Variants in GALNTL5 observed in about 807,000 individuals in gnomAD.
The protein encoded by GALNTL5 is polypeptide N-acetylgalactosaminyltransferase like 5, also known as inactive polypeptide N-acetylgalactosaminyltransferase-like protein 5.
A neutral mutation model predicts 51.0 loss-of-function variants in GALNTL5; 44 were observed. The observed-to-expected ratio is 0.86, with a 90% CI of 0.68 to 1.11. The LOEUF (loss-of-function observed/expected upper bound fraction) is 1.11, where lower values mean the gene tolerates loss of function less well. Ranked by LOEUF, GALNTL5 falls within the 50% of genes least tolerant of loss-of-function variation. The probability of loss-of-function intolerance (pLI) is 0.00; values close to 1 mark genes in which losing one functional copy is unlikely to be tolerated. For missense variants in GALNTL5, 528 were observed against 531.8 expected (o/e 0.99, Z 0.07); for synonymous variants, 192 against 182.8 (o/e 1.05, Z -0.41).
chr7:151,967,076 C>A lies in GALNTL5; in HGVS notation c.-39-132C>A. ...ATTTGTGCTAATAGAAATAAGGACACACTTTATGTATATGATAAGGGCCAT... is the reference window on the plus strand; with the variant it reads ...ATTTGTGCTAATAGAAATAAGGACAAACTTTATGTATATGATAAGGGCCAT... On this transcript the variant is annotated intron_variant, in intron 1 of 8. Transcript: ENST00000392800. 8.6e-6 allele frequency: 5 copies of A among 579,146 alleles called. No homozygotes were observed. The South Asian group carries it at 1.1e-4, about 13-fold the overall frequency. The allele number at this position is 579,146 out of a possible 1,614,324, so 35.9% of individuals were successfully genotyped here. A position where few individuals can be genotyped will look rare whatever the true frequency, so the allele number is the denominator to read the frequency against.
In GALNTL5 at chr7:152,002,832, T is replaced by C; in HGVS notation, c.777T>C (p.Ile259=). The part of the protein sequence containing the change: ...KMVVCPLIDV[I]DDRTLEYKPS... ...TGGTGTGCCCCCTGATAGATGTCAT[T>C]GATGATAGAACTCTGGAGTATAAGC... is the stretch of plus-strand genomic sequence containing the variant. Residue 259 remains isoleucine, a synonymous_variant, in exon 6 of 9, where the codon ATT becomes ATC. Coordinates refer to ENST00000392800, the MANE Select transcript of GALNTL5 (RefSeq NM_145292.4). 1 of 1,614,160 alleles carries C rather than the reference T, an allele frequency of 6.2e-7. No individual in the cohort carries two copies. The highest frequency in any genetic ancestry group is 8.5e-7 in the Non-Finnish European group (1 of 1,180,032).
intron 6 of GALNTL5, among the ~76,000 whole-genome samples, chr7:152,007,055 C>G (rs111264777): frequency 6.6e-6 from 1 of 152,152 alleles, no homozygotes; most frequent in African/African-American, 2.4e-5. Context: ...GTGTGAGCCA[C>G]CACACCCAGC....
At chr7:151,990,438 G>A (rs928959811) in intron 5 of GALNTL5, among the ~76,000 whole-genome samples, 7 of 150,910 alleles carry the variant, frequency 4.6e-5, no homozygotes, top group Non-Finnish European at 7.4e-5. Context: ...AATATTAGCC[G>A]GGCGTGGTGG....
intron 5 of GALNTL5, among the ~76,000 whole-genome samples, chr7:151,992,956 G>T (rs1243097018): frequency 6.6e-6 from 1 of 152,098 alleles, no homozygotes; most frequent in Non-Finnish European, 1.5e-5. Flanking sequence ...GTAAGATGCG[G>T]ACTGGACACG....
In GALNTL5 at chr7:152,000,114, G is replaced by A. The variant is rs997703777; in HGVS notation, c.659-2600G>A. Among the ~76,000 whole-genome samples, 56 of 152,148 alleles carry A rather than the reference G, an allele frequency of 3.7e-4. 2 individuals carry two copies. Among genetic ancestry groups the A allele is most frequent in the Admixed American group, 3.3e-3 (50 of 15,276 alleles). On this transcript the variant is annotated intron_variant, in intron 5 of 8. Transcript: ENST00000392800. The stretch of plus-strand genomic sequence containing the variant: ...AGTGAACTAATGTTAGTTTTCTGCC[G>A]AAAATCAAAAGGATAAAAAGACTGT...
intron 5 of GALNTL5, among the ~76,000 whole-genome samples, chr7:151,999,934 G>T (rs1323617305): frequency 6.6e-6 from 1 of 152,192 alleles, no homozygotes; most frequent in Admixed American, 6.5e-5. Flanking sequence ...GAACCAATGA[G>T]ATGGCTCAGC....
intron 1 of GALNTL5, among the ~76,000 whole-genome samples, chr7:151,957,548 C>CA (rs3037148): frequency 0.13 from 14,949 of 110,946 alleles, 942 homozygotes; most frequent in Non-Finnish European, 0.17. Flanking sequence ...GACCCTGTCT[C>CA]AAAAAAAAAA....
At chr7:151,958,918 C>T (rs2080959430) in intron 1 of GALNTL5, among the ~76,000 whole-genome samples, 1 of 152,102 alleles carries the variant, frequency 6.6e-6, no homozygotes, top group Non-Finnish European at 1.5e-5. Context: ...ATGGATAGTC[C>T]CAACATGGGG....
chr7:151,981,357 C>A (rs2081283533), intron 3 of GALNTL5, among the ~76,000 whole-genome samples: 1 of 152,126 alleles, frequency 6.6e-6, no homozygotes, highest in Non-Finnish European at 1.5e-5. Flanking sequence ...TTCATTGCAT[C>A]TTCACAGCCC....
intron 4 of GALNTL5, among the ~76,000 whole-genome samples, chr7:151,985,249 G>A (rs953113340): frequency 2.0e-5 from 3 of 152,118 alleles, no homozygotes; most frequent in Middle Eastern, 3.2e-3. Flanking sequence ...ATCTGTCAAC[G>A]TTCTCATACA....
chr7:152,003,011 ACCCAGGGGG>A, intron 6 of GALNTL5, 48 bp downstream of exon 6: 1 of 1,538,968 alleles, frequency 6.5e-7, no homozygotes, highest in Admixed American at 1.8e-5. Flanking sequence ...GTGTATTGAG[ACCCAGGGGG>A]AAAAAGCCTC....
At chr7:152,007,653 C>T (rs958727214) in intron 6 of GALNTL5, among the ~76,000 whole-genome samples, 174 bp from the exon 7 acceptor site, 3 of 151,894 alleles carry the variant, frequency 2.0e-5, no homozygotes, top group South Asian at 2.1e-4. Flanking sequence ...CTCCTGAACT[C>T]GTAATGCACC....
chr7:151,978,192 A>C (rs532172956), intron 3 of GALNTL5, among the ~76,000 whole-genome samples: 23 of 152,336 alleles, frequency 1.5e-4, no homozygotes, highest in African/African-American at 5.0e-4. Flanking sequence ...CATATCTCTT[A>C]GATTTAACAT....
intron 3 of GALNTL5, among the ~76,000 whole-genome samples, chr7:151,975,353 C>T (rs1227180798): frequency 1.3e-5 from 2 of 152,062 alleles, no homozygotes; most frequent in Non-Finnish European, 2.9e-5. Context: ...AATTTGTTGG[C>T]ATATAATTGT....
intron 1 of GALNTL5, among the ~76,000 whole-genome samples, chr7:151,957,141 A>AG (rs2080935727): frequency 8.5e-6 from 1 of 116,960 alleles, no homozygotes. Flanking sequence ...CTCTGTCTCG[A>AG]GAAAAAAAAA....
At chr7:151,973,829 C>T (rs1468848673) in intron 3 of GALNTL5, among the ~76,000 whole-genome samples, 1 of 151,984 alleles carries the variant, frequency 6.6e-6, no homozygotes, top group Admixed American at 6.6e-5. Flanking sequence ...ACCCAAATCT[C>T]ATGTTGAATT....
chr7:152,017,816 T>C (rs2081838056), intron 8 of GALNTL5, among the ~76,000 whole-genome samples: 1 of 152,156 alleles, frequency 6.6e-6, no homozygotes, highest in African/African-American at 2.4e-5. Flanking sequence ...TTTTTGCTAT[T>C]TTCTTGACAA....
intron 8 of GALNTL5, among the ~76,000 whole-genome samples, 196 bp downstream of exon 8, chr7:152,014,989 CA>C (rs769790353): frequency 3.3e-4 from 50 of 152,226 alleles, no homozygotes; most frequent in Middle Eastern, 6.8e-3. Flanking sequence ...TACATGGACA[CA>C]AAGCAGGGAA....
chr7:152,015,344 G>A (rs567562861), intron 8 of GALNTL5, among the ~76,000 whole-genome samples: 35 of 149,090 alleles, frequency 2.3e-4, no homozygotes, highest in African/African-American at 5.5e-4. Flanking sequence ...TCCTTGCCCC[G>A]TCCCCATGTG....
Sources: allele counts gnomAD v4.1 joint callset (sites outside exome capture counted in the v4.1 genomes callset), GRCh38; gene constraint gnomAD v4.1.1; transcripts MANE v1.5; gene names NCBI Gene and HGNC (gene_info 2026-07-23, HGNC 2026-07-21).